WIPF2: variants seen among roughly 807,000 people sequenced by gnomAD.
WIPF2 encodes the protein WAS/WASL interacting protein family member 2.
A neutral mutation model predicts 38.8 loss-of-function variants in WIPF2; 23 were observed. The ratio of observed to expected loss-of-function variants is 0.59; its 90% CI spans 0.43 to 0.84. WIPF2 has a LOEUF of 0.84. Among genes scored for constraint, WIPF2 ranks in the 40% least tolerant of loss-of-function variants. The pLI is 0.00. For missense variants in WIPF2, 574 were observed against 580.5 expected (o/e 0.99, Z 0.11); for synonymous variants, 210 against 223.2 (o/e 0.94, Z 0.53).
At chr17:40,242,600 C>T (rs1284549864) in intron 1 of WIPF2, among the ~76,000 whole-genome samples, 5 of 152,210 alleles carry the variant, frequency 3.3e-5, no homozygotes. Flanking sequence ...CGGGGTTTCA[C>T]CATGTTGGCC....
At chr17:40,260,922 G>C (rs1384087390) in intron 3 of WIPF2, 1 of 475,524 alleles carries the variant, frequency 2.1e-6, no homozygotes, top group Non-Finnish European at 3.9e-6. Context: ...GGAGGTCAAG[G>C]TGGAAAGATT....
chr17:40,277,326 A>T (rs1006361331), intron 7 of WIPF2, 142 bp downstream of exon 7: 10 of 617,434 alleles, frequency 1.6e-5, no homozygotes, highest in Non-Finnish European at 2.7e-5. Context: ...AGGTGGGTGG[A>T]TCACGAGGTC....
intron 2 of WIPF2, among the ~76,000 whole-genome samples, chr17:40,259,086 C>CT (rs2031820570): frequency 1.4e-5 from 2 of 145,536 alleles, no homozygotes. Flanking sequence ...ACTTTGTTGC[C>CT]TAGACTAGTC....
At chr17:40,219,775 A>G (rs1283452351) in intron 1 of WIPF2, 2 of 152,484 alleles carry the variant, frequency 1.3e-5, no homozygotes, top group African/African-American at 4.8e-5. Flanking sequence ...ATGGGGAGGA[A>G]CGTTTTTGAG....
At position 40,251,391 on chromosome 17, in the gene WIPF2, G is replaced by A. The variant is rs773079537; in HGVS notation, c.-69-5000G>A. 1.6e-3 allele frequency among the ~76,000 whole-genome samples: 246 copies of A among 151,380 alleles called. 5 individuals are homozygous for A. The highest frequency in any genetic ancestry group is 2.9e-3 in the Non-Finnish European group (194 of 67,880). On this transcript the variant is annotated intron_variant, in intron 1 of 7. Transcript: ENST00000323571. The stretch of plus-strand genomic sequence containing the variant: ...TTCTCAAAGCAGACCCTCTGCATTG[G>A]ATTAGCGATTATAAGTCTCAGTCCT...
At chr17:40,243,865 T>A (rs954663909) in intron 1 of WIPF2, among the ~76,000 whole-genome samples, 2 of 152,250 alleles carry the variant, frequency 1.3e-5, no homozygotes, top group African/African-American at 2.4e-5. Context: ...TGATTTTTTT[T>A]ATTACTTGTT....
At chr17:40,237,122 T>C (rs557652127) in intron 1 of WIPF2, among the ~76,000 whole-genome samples, 93 of 152,270 alleles carry the variant, frequency 6.1e-4, no homozygotes, top group African/African-American at 2.2e-3. Context: ...TTTCTTGTAT[T>C]GATAATGTAT....
intron 2 of WIPF2, among the ~76,000 whole-genome samples, chr17:40,258,584 C>G (rs192550074): frequency 1.3e-5 from 2 of 151,790 alleles, no homozygotes; most frequent in Non-Finnish European, 2.9e-5. Context: ...GAGCGAGACT[C>G]TGTCTCAAAA....
chr17:40,235,719 A>T (rs1322171865), intron 1 of WIPF2, among the ~76,000 whole-genome samples: 1 of 151,422 alleles, frequency 6.6e-6, no homozygotes, highest in African/African-American at 2.4e-5. Flanking sequence ...GATTACAGGC[A>T]TGCATCACCA....
At chr17:40,240,932 G>A (rs1362882038) in intron 1 of WIPF2, among the ~76,000 whole-genome samples, 1 of 143,380 alleles carries the variant, frequency 7.0e-6, no homozygotes, top group East Asian at 2.0e-4. Flanking sequence ...GCAACAGAAT[G>A]AGACTCCGTC....
At chr17:40,245,830 A>T (rs909654440) in intron 1 of WIPF2, among the ~76,000 whole-genome samples, 1 of 152,176 alleles carries the variant, frequency 6.6e-6, no homozygotes, top group Non-Finnish European at 1.5e-5. Context: ...TTCTAGAAAA[A>T]TACTTTGGCA....
Position 40,278,222 on chromosome 17 carries a change from G to C in WIPF2, c.1320G>C (p.Arg440Ser). ...RGAPPLPPIL[R>S] is the part of the protein sequence containing the mutation. ...CCCCACCTCTGCCACCCATTCTCAG[G>C]TGAAGCCTGGCTTGGTCCCGTTCCT... is the stretch of plus-strand genomic sequence containing the variant. The change falls in exon 8 of 8, where the codon AGG becomes AGC. Residue 440 changes from arginine to serine, a missense_variant. Transcript: ENST00000323571. 6.2e-7 allele frequency: 1 copy of C among 1,613,796 alleles called. No individual in the cohort carries two copies. The highest frequency in any genetic ancestry group is 8.5e-7 in the Non-Finnish European group (1 of 1,179,896).
At chr17:40,235,837 G>A (rs2030947107) in intron 1 of WIPF2, among the ~76,000 whole-genome samples, 1 of 152,172 alleles carries the variant, frequency 6.6e-6, no homozygotes, top group Admixed American at 6.6e-5. Flanking sequence ...GCCTCCCAAA[G>A]TGCTGGGATT....
At chr17:40,265,903 G>A (rs919403084) in intron 5 of WIPF2, among the ~76,000 whole-genome samples, 1 of 152,130 alleles carries the variant, frequency 6.6e-6, no homozygotes, top group Non-Finnish European at 1.5e-5. Flanking sequence ...TGCAGTAAAC[G>A]GCCAGATGGT....
At chr17:40,226,950 C>G (rs2030518123) in intron 1 of WIPF2, among the ~76,000 whole-genome samples, 1 of 152,126 alleles carries the variant, frequency 6.6e-6, no homozygotes, top group Admixed American at 6.6e-5. Context: ...ACCTTGTTGC[C>G]CAGGCTGGTC....
At chr17:40,273,566 A>G in intron 5 of WIPF2, 1 of 510,038 alleles carries the variant, frequency 2.0e-6, no homozygotes, top group South Asian at 2.9e-5. Flanking sequence ...TCAAGAACAG[A>G]TAGGGTTCTG....
chr17:40,256,571 T>C (rs1598486746), intron 2 of WIPF2, 49 bp downstream of exon 2: 1 of 1,549,034 alleles, frequency 6.5e-7, no homozygotes, highest in Non-Finnish European at 8.6e-7. Flanking sequence ...AGTAAATAGG[T>C]TGATGGTCCT....
chr17:40,262,606 T>G lies in WIPF2; in HGVS notation c.278T>G (p.Leu93Arg). Residue 93 changes from leucine (L) to arginine (R), a missense_variant, in exon 4 of 8, where the codon CTG (leucine) becomes CGG (arginine). Physicochemically the swap from Leu to Arg is moderately radical, Grantham distance 102. Coordinates refer to ENST00000323571, the MANE Select transcript of WIPF2 (RefSeq NM_133264.5). Reference protein sequence around the residue: ...PKGGLFQGGVLKLRPVGAKDG... With the variant: ...PKGGLFQGGVRKLRPVGAKDG... ...GGAGGTCTCTTCCAAGGAGGAGTGCTGAAGCTTCGACCTGTGGGAGCCAAG... is the reference window on the plus strand; with the variant it reads ...GGAGGTCTCTTCCAAGGAGGAGTGCGGAAGCTTCGACCTGTGGGAGCCAAG... 6.2e-7 allele frequency: 1 copy of G among 1,613,952 alleles called. No individual in the cohort carries two copies. Among genetic ancestry groups the G allele is most frequent in the East Asian group, 2.2e-5 (1 of 44,874 alleles).
intron 1 of WIPF2, among the ~76,000 whole-genome samples, chr17:40,232,704 A>T (rs2030798972): frequency 6.9e-6 from 1 of 144,514 alleles, no homozygotes; most frequent in Non-Finnish European, 1.5e-5. Context: ...CAATGGTGTG[A>T]TCTCGGCTCA....
Sources: allele counts gnomAD v4.1 joint callset (sites outside exome capture counted in the v4.1 genomes callset), GRCh38; gene constraint gnomAD v4.1.1; transcripts MANE v1.5; gene names NCBI Gene and HGNC (gene_info 2026-07-23, HGNC 2026-07-21).